Variants in SEPTIN9 observed in about 807,000 individuals in gnomAD.
SEPTIN9 encodes septin 9, also known as septin-9.
A neutral mutation model predicts 56.6 loss-of-function variants in SEPTIN9; 13 were observed. That is an observed-to-expected ratio of 0.23 (90% CI 0.15 to 0.37). The LOEUF is 0.37. SEPTIN9 is among the 10% of genes least tolerant of loss of function. The pLI is 1.00. For synonymous variants in SEPTIN9, 332 were observed against 334.1 expected, an observed-to-expected ratio of 0.99 and a Z score of 0.07; for missense variants, 650 against 823.1, an observed-to-expected ratio of 0.79 and a Z score of 2.57.
At position 77,330,329 on chromosome 17, in the gene SEPTIN9, CG is replaced by C. The variant is rs2033300759; in HGVS notation, c.76+23133del. ...GGTGCCGGGAGCCAGCTCCAATTCA[CG>C]TGCTGGCTGTGGCCCTCAAGGTGTG... is the stretch of plus-strand genomic sequence containing the variant. On this transcript the variant is annotated intron_variant, in intron 2 of 11. Coordinates refer to ENST00000427177, the MANE Select transcript of SEPTIN9 (RefSeq NM_001113491.2). The surrounding 1 kb of genome is among the most constrained non-coding windows in gnomAD (Gnocchi z 4.4). Among the ~76,000 whole-genome samples, 1 of 152,220 alleles carries C rather than the reference CG, an allele frequency of 6.6e-6. No individual in the cohort carries two copies. The highest frequency in any genetic ancestry group is 1.5e-5 in the Non-Finnish European group (1 of 68,038).
chr17:77,396,323 C>T (rs1374305704), intron 2 of SEPTIN9, among the ~76,000 whole-genome samples: 1 of 152,216 alleles, frequency 6.6e-6, no homozygotes, highest in Non-Finnish European at 1.5e-5. Context: ...GTCCGGTGCT[C>T]CTCCCTGCTG....
chr17:77,394,868 G>A (rs2035653099), intron 2 of SEPTIN9, among the ~76,000 whole-genome samples: 1 of 152,208 alleles, frequency 6.6e-6, no homozygotes, highest in Admixed American at 6.5e-5. Context: ...CCATGGGCCT[G>A]GAGGGGAAAG....
intron 3 of SEPTIN9, among the ~76,000 whole-genome samples, chr17:77,426,732 G>A (rs2036928027): frequency 6.6e-6 from 1 of 152,220 alleles, no homozygotes; most frequent in African/African-American, 2.4e-5. Context: ...GCCTGTGGGT[G>A]GCTTTCTATG....
At position 77,499,055 on chromosome 17, in the gene SEPTIN9, C is replaced by T. The variant is rs745904734; in HGVS notation, c.*397C>T. 15 of 537,220 alleles carry T rather than the reference C, an allele frequency of 2.8e-5. No homozygotes were observed. The highest frequency in any genetic ancestry group is 2.3e-4 in the South Asian group (15 of 65,204). 33.3% of individuals were successfully genotyped at this position (537,220 alleles called of 1,614,324 possible). A position where few individuals can be genotyped will look rare whatever the true frequency, so the allele number is the denominator to read the frequency against. Reference sequence around the variant, plus strand: ...CGCACTTGCAGAGGAGCCCAGTGGGCTGCACGCTCCCCTCCATCCCCATCG... The same window carrying T: ...CGCACTTGCAGAGGAGCCCAGTGGGTTGCACGCTCCCCTCCATCCCCATCG... On this transcript the variant is annotated 3_prime_UTR_variant, in exon 12 of 12. Coordinates refer to ENST00000427177, the MANE Select transcript of SEPTIN9 (RefSeq NM_001113491.2).
rs1350306958 is a variant in SEPTIN9 at position 77,327,277 on chromosome 17, G to T, written c.76+20080G>T. Among the ~76,000 whole-genome samples, 3 of 152,078 alleles carry T rather than the reference G, an allele frequency of 2.0e-5. No individual in the cohort carries two copies. Among genetic ancestry groups the T allele is most frequent in the Non-Finnish European group, 4.4e-5 (3 of 68,002 alleles). ...TTTACCCGGCCTGCTCCCACCAGGG[G>T]CTGAGGCCTCCTTGCTCACTCCAGC... On this transcript the variant is annotated intron_variant, in intron 2 of 11. Coordinates refer to ENST00000427177, the MANE Select transcript of SEPTIN9 (RefSeq NM_001113491.2). The surrounding 1 kb of genome is among the most constrained non-coding windows in gnomAD (Gnocchi z 5.0).
intron 10 of SEPTIN9, chr17:77,497,084 C>T: frequency 1.6e-6 from 1 of 607,710 alleles, no homozygotes; most frequent in Non-Finnish European, 3.0e-6. Context: ...AGGAGCTGAG[C>T]TGTCCAGGAG....
Position 77,466,054 on chromosome 17 carries a change from TCACACACACACACACA to T in SEPTIN9, c.722-16052_722-16037del, listed in dbSNP as rs10599395. On this transcript the variant is annotated intron_variant, in intron 3 of 11. Transcript: ENST00000427177. ...TATAAGTTACCATGTTTCTGGACTGTCACACACACACACACACACACACACACACACACACACACAC... is the reference window on the plus strand; with the variant it reads ...TATAAGTTACCATGTTTCTGGACTGTCACACACACACACACACACACACAC... Among the ~76,000 whole-genome samples, 163 of 127,478 alleles carry T rather than the reference TCACACACACACACACA, an allele frequency of 1.3e-3. 1 individual carries two copies. Among genetic ancestry groups the T allele is most frequent in the African/African-American group, 3.1e-3 (103 of 33,402 alleles). The allele number at this position is 127,478 out of a possible 152,430, so 83.6% of individuals were successfully genotyped here. A position where few individuals can be genotyped will look rare whatever the true frequency, so the allele number is the denominator to read the frequency against.
chr17:77,443,797 C>CAA (rs34670493), intron 3 of SEPTIN9, among the ~76,000 whole-genome samples: 1 of 146,248 alleles, frequency 6.8e-6, no homozygotes, highest in African/African-American at 2.5e-5. Flanking sequence ...GACTCCGTCT[C>CAA]AAAAAAAAAG....
At chr17:77,336,048 T>TATTA (rs2033541062) in intron 2 of SEPTIN9, among the ~76,000 whole-genome samples, 1 of 35,550 alleles carries the variant, frequency 2.8e-5, no homozygotes, top group African/African-American at 1.1e-4. Context: ...TGTGGTCCTA[T>TATTA]ATTAGTATAT....
At chr17:77,375,803 TGAGA>T (rs1201471238) in intron 2 of SEPTIN9, 1 of 152,764 alleles carries the variant, frequency 6.5e-6, no homozygotes, top group East Asian at 1.9e-4. Context: ...TCGATAGGCG[TGAGA>T]GAGTGTGTGT....
At chr17:77,442,630 C>T (rs150633912) in intron 3 of SEPTIN9, among the ~76,000 whole-genome samples, 3 of 149,444 alleles carry the variant, frequency 2.0e-5, no homozygotes, top group Non-Finnish European at 3.0e-5. Context: ...CCCGGCACTT[C>T]GGGAGGCCGA....
At chr17:77,486,535 C>CGCGCGCGCGT (rs1343890844) in intron 4 of SEPTIN9, among the ~76,000 whole-genome samples, 37 of 120,400 alleles carry the variant, frequency 3.1e-4, no homozygotes, top group African/African-American at 1.4e-3. Flanking sequence ...CGCACGCGCG[C>CGCGCGCGCGT]GCGTGTTATA....
chr17:77,486,820 T>C (rs984843808), intron 4 of SEPTIN9, among the ~76,000 whole-genome samples: 1 of 152,160 alleles, frequency 6.6e-6, no homozygotes, highest in Non-Finnish European at 1.5e-5. Context: ...CCCTAGCACA[T>C]GGCCCCACAG....
chr17:77,453,041 T>C lies in SEPTIN9; in HGVS notation c.722-29103T>C, dbSNP rs1472399942. On this transcript the variant is annotated intron_variant, in intron 3 of 11. Coordinates refer to ENST00000427177, the MANE Select transcript of SEPTIN9 (RefSeq NM_001113491.2). The surrounding 1 kb of genome is among the most constrained non-coding windows in gnomAD (Gnocchi z 4.4). Reference sequence around the variant, plus strand: ...GCTTGCCCCTTCTGTCCCCTGGCCATTTCTGTGTCGGGGTGGCTGAGACAC... The same window carrying C: ...GCTTGCCCCTTCTGTCCCCTGGCCACTTCTGTGTCGGGGTGGCTGAGACAC... 2.0e-5 allele frequency among the ~76,000 whole-genome samples: 3 copies of C among 151,674 alleles called. No homozygotes were observed. The highest frequency in any genetic ancestry group is 3.9e-4 in the East Asian group (2 of 5,176).
Position 77,453,978 on chromosome 17 carries a change from A to G in SEPTIN9, c.722-28166A>G. The G allele has an allele frequency of 1.2e-6, 1 of 866,982 alleles. No individual in the cohort carries two copies. Among genetic ancestry groups the G allele is most frequent in the Non-Finnish European group, 1.4e-6 (1 of 721,722 alleles). The allele number at this position is 866,982 out of a possible 1,614,324, so 53.7% of individuals were successfully genotyped here. The stretch of plus-strand genomic sequence containing the variant: ...GTCACCACCACCAGCAGCTTCCGTT[A>G]TCTGGTTCTTCTGTACATGTAAGCC... On this transcript the variant is annotated intron_variant, in intron 3 of 11. Transcript: ENST00000427177. This position sits in a 1 kb window ranked among gnomAD's most constrained non-coding sequence, Gnocchi z 4.4.
intron 2 of SEPTIN9, among the ~76,000 whole-genome samples, chr17:77,345,658 G>A (rs922562068): frequency 7.9e-5 from 12 of 152,192 alleles, no homozygotes; most frequent in African/African-American, 2.7e-4. Context: ...GTACAGAGCA[G>A]GCCCCACTGG....
chr17:77,447,912 A>G (rs1568076291), intron 3 of SEPTIN9, among the ~76,000 whole-genome samples: 1 of 152,228 alleles, frequency 6.6e-6, no homozygotes, highest in Non-Finnish European at 1.5e-5. Context: ...GGTGTGAGCC[A>G]ACACACCTGG....
chr17:77,299,945 A>T (rs1051895032), intron 1 of SEPTIN9, among the ~76,000 whole-genome samples: 3 of 152,184 alleles, frequency 2.0e-5, no homozygotes, highest in Non-Finnish European at 4.4e-5. Flanking sequence ...TACCCCAAAC[A>T]GAGGCCAACG....
rs182004616 is a variant in SEPTIN9 at position 77,303,203 on chromosome 17, C to T, written c.20-3938C>T. Among the ~76,000 whole-genome samples the T allele has an allele frequency of 6.9e-3, 1,043 of 151,808 alleles. 13 individuals are homozygous for T. The highest frequency in any genetic ancestry group is 0.024 in the African/African-American group (981 of 41,426). ...GCAACCTCCGTCTCCTGGGTTCAAG[C>T]GATTCTCCTGCCTTGGCCTCCCGAG... On this transcript the variant is annotated intron_variant, in intron 1 of 11. Transcript: ENST00000427177.
Sources: allele counts gnomAD v4.1 joint callset (sites outside exome capture counted in the v4.1 genomes callset), GRCh38; gene constraint gnomAD v4.1.1; non-coding constraint Gnocchi (gnomAD v3.1); transcripts MANE v1.5; gene names NCBI Gene and HGNC (gene_info 2026-07-23, HGNC 2026-07-21).